The following KCNN1 variants were observed in gnomAD, a reference collection of about 807,000 sequenced individuals.
The protein encoded by KCNN1 is small conductance calcium-activated potassium channel protein 1.
KCNN1 carries 20 observed loss-of-function variants against 44.7 expected under a neutral mutation model. The ratio of observed to expected loss-of-function variants is 0.45; its 90% confidence interval spans 0.32 to 0.65. KCNN1 has a LOEUF of 0.65. Ranked by LOEUF, KCNN1 falls within the 30% of genes least tolerant of loss-of-function variation. The probability of loss-of-function intolerance (pLI) is 0.05; values close to 1 mark genes in which losing one functional copy is unlikely to be tolerated. For missense variants in KCNN1, 632 were observed against 785.3 expected (o/e 0.80, Z 2.33); for synonymous variants, 324 against 341.7 (o/e 0.95, Z 0.57).
chr19:17,970,120 G>T (rs2145919312), intron 1 of KCNN1, among the ~76,000 whole-genome samples: 1 of 152,060 alleles, frequency 6.6e-6, no homozygotes, highest in South Asian at 2.1e-4. Flanking sequence ...GGCCACATGA[G>T]GCTAGGTCTC....
chr19:17,986,503 C>T (rs575576746), intron 5 of KCNN1, among the ~76,000 whole-genome samples: 1 of 152,292 alleles, frequency 6.6e-6, no homozygotes, highest in African/African-American at 2.4e-5. Flanking sequence ...CCGAAGGATT[C>T]TCAAGTCTGC....
At chr19:17,991,502 T>C (rs1285851857) in intron 7 of KCNN1, among the ~76,000 whole-genome samples, 1 of 151,582 alleles carries the variant, frequency 6.6e-6, no homozygotes, top group Non-Finnish European at 1.5e-5. Context: ...ATCCCAGCAC[T>C]TTGAGAGGCC....
Position 17,999,000 on chromosome 19 carries a change from C to A in KCNN1, c.*594C>A. On this transcript the variant is annotated 3_prime_UTR_variant, in exon 10 of 10. Transcript: ENST00000684775. This position sits in a 1 kb window ranked among gnomAD's most constrained non-coding sequence, Gnocchi z 5.4. ...AACCAACCGCGTTGATGGACACCCA[C>A]TGTGTGCCAGGCCCCAGCGGGGCCC... is the stretch of plus-strand genomic sequence containing the variant. The A allele has an allele frequency of 6.6e-6, 1 of 152,476 alleles. No homozygotes were observed. The highest frequency in any genetic ancestry group is 1.5e-5 in the Non-Finnish European group (1 of 68,132). 9.4% of individuals were successfully genotyped at this position (152,476 alleles called of 1,614,324 possible). A position where few individuals can be genotyped will look rare whatever the true frequency, so the allele number is the denominator to read the frequency against.
intron 2 of KCNN1, among the ~76,000 whole-genome samples, chr19:17,955,844 G>GC (rs907190119): frequency 2.7e-5 from 4 of 146,058 alleles, no homozygotes; most frequent in African/African-American, 7.5e-5. Flanking sequence ...GCTGGAGACA[G>GC]CCCCCAGGGT....
chr19:17,984,019 T>C (rs1438139444), intron 4 of KCNN1, among the ~76,000 whole-genome samples: 1 of 151,202 alleles, frequency 6.6e-6, no homozygotes, highest in Non-Finnish European at 1.5e-5. Flanking sequence ...AAAAATTAGA[T>C]GGGCATGGTG....
chr19:17,985,428 G>C lies in KCNN1; in HGVS notation c.1034G>C (p.Gly345Ala), dbSNP rs763432784. Residue 345 changes from glycine (G) to alanine (A), a missense_variant, in exon 5 of 10, where the codon GGT (glycine) becomes GCT (alanine). Physicochemically the swap from Gly to Ala is moderately conservative, Grantham distance 60. Transcript: ENST00000684775. ...GTGCCCCACACCTACTGCGGGAAGG[G>C]TGTGTGCCTGCTCACTGGCATCATG... ...DMVPHTYCGK[G>A]VCLLTGIMGA... 1 of 1,601,734 alleles carries C rather than the reference G, an allele frequency of 6.2e-7. No individual in the cohort carries two copies. Among genetic ancestry groups the C allele is most frequent in the Non-Finnish European group, 8.5e-7 (1 of 1,171,568 alleles).
At position 17,983,743 on chromosome 19, in the gene KCNN1, C is replaced by T. The variant is rs2032501723; in HGVS notation, c.918-1569C>T. On this transcript the variant is annotated intron_variant, in intron 4 of 9. Coordinates refer to ENST00000684775, the MANE Select transcript of KCNN1 (RefSeq NM_001386974.1). This position sits in a 1 kb window ranked among gnomAD's most constrained non-coding sequence, Gnocchi z 4.5. ...CGTGCTCCTGGGTGGTCCCGCGGCA[C>T]CCCCCACCATCGCTCCGTCTGGATC... Among the ~76,000 whole-genome samples the T allele has an allele frequency of 6.6e-6, 1 of 151,078 alleles. No individual in the cohort carries two copies. The highest frequency in any genetic ancestry group is 6.6e-5 in the Admixed American group (1 of 15,214).
In KCNN1 at chr19:17,998,139, C is replaced by T; in HGVS notation, c.1378-13C>T. 6.4e-7 allele frequency: 1 copy of T among 1,572,294 alleles called. No individual in the cohort carries two copies. The highest frequency in any genetic ancestry group is 8.6e-7 in the Non-Finnish European group (1 of 1,159,100). On this transcript the variant is annotated splice_polypyrimidine_tract_variant and intron_variant, in intron 9 of 9. Transcript: ENST00000684775. This position sits in a 1 kb window ranked among gnomAD's most constrained non-coding sequence, Gnocchi z 5.4. ...AGCGGCGCCTCTCTCCTGCCCCTCT[C>T]TGTCTCCCGCAGACCCAGACCGTCA...
At chr19:17,982,575 A>G (rs2145947936) in intron 4 of KCNN1, 1 of 985,340 alleles carries the variant, frequency 1.0e-6, no homozygotes, top group Non-Finnish European at 1.2e-6. Flanking sequence ...TAGGGAAAAC[A>G]TGTGAGTCCC....
At position 17,988,507 on chromosome 19, in the gene KCNN1, C is replaced by T. The variant is rs377482122; in HGVS notation, c.1152C>T (p.Asp384=). 1.6e-4 allele frequency: 258 copies of T among 1,613,524 alleles called. No homozygotes were observed. The highest frequency in any genetic ancestry group is 2.1e-4 in the Non-Finnish European group (249 of 1,179,768). ...AEKHVHNFMM[D]TQLTKRVKNA... ...AGCACGTGCACAACTTCATGATGGA[C>T]ACTCAGCTCACCAAGCGGGTGAGGA... Residue 384 remains aspartate (D), a synonymous_variant, in exon 6 of 10, where the codon GAC becomes GAT. Coordinates refer to ENST00000684775, the MANE Select transcript of KCNN1 (RefSeq NM_001386974.1).
At chr19:17,971,725 A>G (rs2032030335) in intron 1 of KCNN1, among the ~76,000 whole-genome samples, 1 of 151,858 alleles carries the variant, frequency 6.6e-6, no homozygotes, top group African/African-American at 2.4e-5. Flanking sequence ...TGGCCTCCCA[A>G]AGTGCTGGGA....
intron 2 of KCNN1, among the ~76,000 whole-genome samples, chr19:17,959,940 G>A (rs1037850283): frequency 2.6e-5 from 4 of 151,332 alleles, no homozygotes; most frequent in African/African-American, 7.3e-5. Flanking sequence ...AAAATTAGCC[G>A]AGCGTGATGG....
intron 3 of KCNN1, among the ~76,000 whole-genome samples, chr19:17,980,871 A>G (rs2032381189): frequency 6.6e-6 from 1 of 151,948 alleles, no homozygotes; most frequent in Non-Finnish European, 1.5e-5. Flanking sequence ...GCACCACTGC[A>G]CTCCAGCCCG....
intron 1 of KCNN1, among the ~76,000 whole-genome samples, chr19:17,973,351 G>A (rs1260413525): frequency 6.6e-6 from 1 of 152,142 alleles, no homozygotes; most frequent in Non-Finnish European, 1.5e-5. Flanking sequence ...CATGATCTTG[G>A]CTCACTACAG....
chr19:17,969,274 G>T (rs1311741567), intron 1 of KCNN1, among the ~76,000 whole-genome samples: 1 of 152,108 alleles, frequency 6.6e-6, no homozygotes, highest in Non-Finnish European at 1.5e-5. Flanking sequence ...CACCTGCCAC[G>T]CCTGGATGGC....
At chr19:17,986,223 C>G (rs560301140) in intron 5 of KCNN1, among the ~76,000 whole-genome samples, 13 of 151,994 alleles carry the variant, frequency 8.6e-5, no homozygotes, top group African/African-American at 2.9e-4. Flanking sequence ...ATTAGCCGGG[C>G]GTGGTGGTGG....
At chr19:17,972,716 C>T (rs778676704) in intron 1 of KCNN1, among the ~76,000 whole-genome samples, 1 of 152,096 alleles carries the variant, frequency 6.6e-6, no homozygotes, top group Non-Finnish European at 1.5e-5. Context: ...GCAGGAGGCA[C>T]GGTGAGGTGA....
At position 17,993,427 on chromosome 19, in the gene KCNN1, GC is replaced by G. The variant is rs1300252797; in HGVS notation, c.1308-58del. 7 of 1,259,590 alleles carry G rather than the reference GC, an allele frequency of 5.6e-6. No homozygotes were observed. The Admixed American group carries it at 5.6e-5, about 10-fold the overall frequency. The allele number at this position is 1,259,590 out of a possible 1,614,324, so 78.0% of individuals were successfully genotyped here. A position where few individuals can be genotyped will look rare whatever the true frequency, so the allele number is the denominator to read the frequency against. On this transcript the variant is annotated intron_variant, in intron 8 of 9. Coordinates refer to ENST00000684775, the MANE Select transcript of KCNN1 (RefSeq NM_001386974.1). The surrounding 1 kb of genome is among the most constrained non-coding windows in gnomAD (Gnocchi z 4.5). The stretch of plus-strand genomic sequence containing the variant: ...CCCGGGTGGGTGCATGAAAGTCCCT[GC>G]CCCCACTGCAGCCTCCACGGGAACC...
chr19:17,964,093 C>T (rs1339375995), upstream of KCNN1, among the ~76,000 whole-genome samples: 1 of 152,104 alleles, frequency 6.6e-6, no homozygotes, highest in African/African-American at 2.4e-5. This position sits in a 1 kb window ranked among gnomAD's most constrained non-coding sequence, Gnocchi z 4.3. Context: ...AGAGAAGGGG[C>T]TATGTGGATA....
Sources: allele counts gnomAD v4.1 joint callset (sites outside exome capture counted in the v4.1 genomes callset), GRCh38; gene constraint gnomAD v4.1.1; non-coding constraint Gnocchi (gnomAD v3.1); transcripts MANE v1.5; gene names NCBI Gene and HGNC (gene_info 2026-07-23, HGNC 2026-07-21).